Variants in NR3C2 observed in about 807,000 individuals in gnomAD.
NR3C2 encodes nuclear receptor subfamily 3 group C member 2.
In NR3C2, 15 loss-of-function variants were observed where a neutral mutation model predicts 86.4. The observed-to-expected ratio is 0.17, with a 90% CI of 0.12 to 0.27. The LOEUF is 0.27. Ranked by LOEUF, NR3C2 falls within the 10% of genes least tolerant of loss-of-function variation. NR3C2 has a pLI of 1.00. For synonymous variants in NR3C2, 458 were observed against 450.5 expected (o/e 1.02, Z -0.21); for missense variants, 960 against 1,195.6 (o/e 0.80, Z 2.91).
intron 4 of NR3C2, among the ~76,000 whole-genome samples, chr4:148,186,953 T>C (rs975603056): frequency 6.9e-6 from 1 of 143,918 alleles, no homozygotes; most frequent in African/African-American, 2.6e-5. Flanking sequence ...TCATTCCTTT[T>C]TATGTCTGCA....
intron 8 of NR3C2, among the ~76,000 whole-genome samples, chr4:148,105,742 T>C (rs2149720972): frequency 6.6e-6 from 1 of 152,300 alleles, no homozygotes; most frequent in East Asian, 1.9e-4. Context: ...TCAATAAACA[T>C]AATCCATCAC....
intron 3 of NR3C2, among the ~76,000 whole-genome samples, chr4:148,247,049 G>C (rs1036986826): frequency 6.6e-6 from 1 of 152,086 alleles, no homozygotes; most frequent in Non-Finnish European, 1.5e-5. Flanking sequence ...GTTAAAAAAA[G>C]GATAAAGAGA....
chr4:148,401,683 C>T (rs1318935492), intron 2 of NR3C2, among the ~76,000 whole-genome samples: 2 of 152,050 alleles, frequency 1.3e-5, no homozygotes, highest in South Asian at 2.1e-4. Flanking sequence ...AGGATGGTCT[C>T]GATCTCCTGA....
intron 2 of NR3C2, among the ~76,000 whole-genome samples, chr4:148,302,405 A>AT (rs528366485): frequency 0.015 from 113 of 7,712 alleles, no homozygotes; most frequent in African/African-American, 0.048. Flanking sequence ...TTGAGTAAAC[A>AT]TCCTGTGAAC....
At chr4:148,310,318 A>G (rs1200053805) in intron 2 of NR3C2, among the ~76,000 whole-genome samples, 1 of 152,160 alleles carries the variant, frequency 6.6e-6, no homozygotes, top group Non-Finnish European at 1.5e-5. Context: ...ACCTGCATCT[A>G]TACAGCTGAA....
Position 148,081,054 on chromosome 4 carries a change from T to C in NR3C2, c.*290A>G, listed in dbSNP as rs1473342547. ...AAAACTTCTTCCATCTGTGAAAATA[T>C]CAAAATCAGAGTTATTGACTAGATA... On this transcript the variant is annotated 3_prime_UTR_variant, in exon 9 of 9. Coordinates refer to ENST00000358102, the MANE Select transcript of NR3C2 (RefSeq NM_000901.5). The C allele has an allele frequency of 6.8e-6, 3 of 438,372 alleles. No homozygotes were observed. The highest frequency in any genetic ancestry group is 1.3e-5 in the Non-Finnish European group (3 of 235,010). 27.2% of individuals were successfully genotyped at this position (438,372 alleles called of 1,614,324 possible). A position where few individuals can be genotyped will look rare whatever the true frequency, so the allele number is the denominator to read the frequency against.
At chr4:148,097,751 G>GTTTTTTTTTT (rs553156519) in intron 8 of NR3C2, among the ~76,000 whole-genome samples, 7 of 102,898 alleles carry the variant, frequency 6.8e-5, no homozygotes, top group Admixed American at 1.8e-4. Flanking sequence ...GTTTTTTTTT[G>GTTTTTTTTTT]TTTTTTTTTT....
chr4:148,211,169 A>T (rs181087738), intron 3 of NR3C2, among the ~76,000 whole-genome samples: 4 of 152,254 alleles, frequency 2.6e-5, no homozygotes. Context: ...CAAAGCAGTC[A>T]CAATGGTCTT....
intron 2 of NR3C2, among the ~76,000 whole-genome samples, chr4:148,366,120 GT>G (rs1746100007): frequency 6.6e-6 from 1 of 152,016 alleles, no homozygotes; most frequent in African/African-American, 2.4e-5. Context: ...ATTTCAGGAA[GT>G]ATGGAGTTAT....
intron 3 of NR3C2, among the ~76,000 whole-genome samples, chr4:148,220,311 C>G (rs1259010590): frequency 1.3e-5 from 2 of 152,110 alleles, no homozygotes; most frequent in African/African-American, 4.8e-5. Context: ...TGGTCTTGAA[C>G]TCCTGGCCTC....
rs187322317 is a variant in NR3C2 at position 148,192,730 on chromosome 4, G to T, written c.2014+2016C>A. Reference sequence around the variant, plus strand: ...ACCAAGGAGGATTATGGCTGCCTCTGCTGAGTCATGCAGGTTTTCAAGGAA... The same window carrying T: ...ACCAAGGAGGATTATGGCTGCCTCTTCTGAGTCATGCAGGTTTTCAAGGAA... On this transcript the variant is annotated intron_variant, in intron 4 of 8. Coordinates refer to ENST00000358102, the MANE Select transcript of NR3C2 (RefSeq NM_000901.5). 1.8e-3 allele frequency among the ~76,000 whole-genome samples: 273 copies of T among 152,144 alleles called. 1 individual carries two copies. Among genetic ancestry groups the T allele is most frequent in the African/African-American group, 6.3e-3 (260 of 41,516 alleles).
chr4:148,120,949 C>T (rs922853074), intron 6 of NR3C2, among the ~76,000 whole-genome samples: 4 of 152,210 alleles, frequency 2.6e-5, no homozygotes, highest in Non-Finnish European at 2.9e-5. Context: ...ACACCACTAT[C>T]CAAATGCTTC....
At position 148,174,274 on chromosome 4, in the gene NR3C2, C is replaced by T. The variant is rs575088812; in HGVS notation, c.2015-19373G>A. Among the ~76,000 whole-genome samples the T allele has an allele frequency of 4.6e-5, 7 of 152,190 alleles. No individual in the cohort carries two copies. In the East Asian group the frequency reaches 7.7e-4, roughly 17 times the overall value. On this transcript the variant is annotated intron_variant, in intron 4 of 8. Transcript: ENST00000358102. ...TTTTTCAACTCTAGAGTATTTTAAT[C>T]GAATCTCTTATATAATACTCAGAAG... is the stretch of plus-strand genomic sequence containing the variant.
At chr4:148,274,695 G>A (rs1163482328) in intron 2 of NR3C2, among the ~76,000 whole-genome samples, 3 of 143,538 alleles carry the variant, frequency 2.1e-5, no homozygotes, top group African/African-American at 5.4e-5. Context: ...CCAGTCTCAG[G>A]TAGTTTTTTC....
intron 7 of NR3C2, 47 bp from the exon 8 acceptor site, chr4:148,114,308 C>T (rs1319368598): frequency 6.2e-7 from 1 of 1,603,106 alleles, no homozygotes; most frequent in Non-Finnish European, 8.5e-7. Flanking sequence ...TGGAAAACAA[C>T]TTTAGCATCT....
At chr4:148,169,215 T>C (rs1321986199) in intron 4 of NR3C2, among the ~76,000 whole-genome samples, 2 of 152,194 alleles carry the variant, frequency 1.3e-5, no homozygotes, top group Middle Eastern at 3.2e-3. Context: ...TTTCATAACA[T>C]TAACATCAGT....
At chr4:148,419,119 C>A (rs893244094) in intron 2 of NR3C2, among the ~76,000 whole-genome samples, 1 of 149,872 alleles carries the variant, frequency 6.7e-6, no homozygotes, top group Admixed American at 6.7e-5. Flanking sequence ...TTTTGTCTGG[C>A]TAGCCATCTT....
At position 148,136,108 on chromosome 4, in the gene NR3C2, A is replaced by C. The variant is rs1425679442; in HGVS notation, c.2511-15820T>G. On this transcript the variant is annotated intron_variant, in intron 6 of 8. Transcript: ENST00000358102. ...AAAAAAACACCACCAAAACCAACAA[A>C]AAAAACAAACAAAAAAACTTTGTCC... is the stretch of plus-strand genomic sequence containing the variant. 5.8e-3 allele frequency among the ~76,000 whole-genome samples: 861 copies of C among 149,534 alleles called. 37 individuals are homozygous for C. Among genetic ancestry groups the C allele is most frequent in the African/African-American group, 0.02 (804 of 40,664 alleles).
chr4:148,284,419 T>C (rs914703343), intron 2 of NR3C2, among the ~76,000 whole-genome samples: 3 of 152,138 alleles, frequency 2.0e-5, no homozygotes, highest in African/African-American at 7.2e-5. Context: ...TAAAAGAACA[T>C]GTCTGAGTGT....
Sources: gnomAD v4.1 joint callset for allele counts (sites outside exome capture counted in the v4.1 genomes callset) on GRCh38, gnomAD v4.1.1 for gene constraint, MANE v1.5 for transcripts, NCBI Gene and HGNC (gene_info 2026-07-23, HGNC 2026-07-21) for gene names.